Variants in ARHGAP6 observed in about 807,000 individuals in gnomAD.
ARHGAP6 encodes the protein rho GTPase-activating protein 6.
In ARHGAP6, 16 loss-of-function variants were observed where a neutral mutation model predicts 55.7. That is an observed-to-expected ratio of 0.29 (90% CI 0.19 to 0.44). ARHGAP6 has a LOEUF of 0.44. ARHGAP6 is among the 20% of genes least tolerant of loss of function. The probability of loss-of-function intolerance (pLI) is 1.00; values close to 1 mark genes in which losing one functional copy is unlikely to be tolerated. For missense variants in ARHGAP6, 698 were observed against 808.9 expected, an observed-to-expected ratio of 0.86 and a Z score of 1.66; for synonymous variants, 382 against 360.9, an observed-to-expected ratio of 1.06 and a Z score of -0.66.
intron 2 of ARHGAP6, among the ~76,000 whole-genome samples, chrX:11,226,391 T>C (rs1335336150): frequency 9.0e-6 from 1 of 111,439 alleles, no homozygotes; most frequent in Non-Finnish European, 1.9e-5. Context: ...CAGTCTATCA[T>C]TGGTGGACAT....
intron 2 of ARHGAP6, among the ~76,000 whole-genome samples, chrX:11,226,458 T>C (rs1358131044): frequency 2.7e-5 from 3 of 111,647 alleles, no homozygotes; most frequent in Non-Finnish European, 5.6e-5. Context: ...TTACTTACCA[T>C]TTTCACTTTG....
In ARHGAP6 at chrX:11,435,731, C is replaced by T. The variant is rs2049981559; in HGVS notation, c.589-181024G>A. Reference sequence around the variant, plus strand: ...AGCATGAGACAAAGTCAGAAGCCATCCTGAGCTCTGGATTTAATGTTAAAA... The same window carrying T: ...AGCATGAGACAAAGTCAGAAGCCATTCTGAGCTCTGGATTTAATGTTAAAA... On this transcript the variant is annotated intron_variant, in intron 1 of 12. Coordinates refer to ENST00000337414, the MANE Select transcript of ARHGAP6 (RefSeq NM_013427.3). Among the ~76,000 whole-genome samples, 8 of 111,795 alleles carry T rather than the reference C, an allele frequency of 7.2e-5. No individual in the cohort carries two copies. In the Admixed American group the frequency reaches 7.6e-4, roughly 11 times the overall value.
chrX:11,639,203 T>TTACAATTATG (rs1169857786), intron 1 of ARHGAP6, among the ~76,000 whole-genome samples: 1 of 109,936 alleles, frequency 9.1e-6, no homozygotes, highest in African/African-American at 3.3e-5. Flanking sequence ...ATAAATTATT[T>TTACAATTATG]TACAATTATG....
chrX:11,372,924 TTTTC>T (rs1216818586), intron 1 of ARHGAP6, among the ~76,000 whole-genome samples: 1 of 110,179 alleles, frequency 9.1e-6, no homozygotes, highest in Non-Finnish European at 1.9e-5. Context: ...TGCTTTATTC[TTTTC>T]TTTCTTATCA....
At chrX:11,501,086 A>ATTC (rs1275179503) in intron 1 of ARHGAP6, among the ~76,000 whole-genome samples, 1 of 112,080 alleles carries the variant, frequency 8.9e-6, no homozygotes, top group Non-Finnish European at 1.9e-5. Flanking sequence ...CAACTACTCA[A>ATTC]CTCTGCCCTT....
chrX:11,189,071 G>C (rs1204262731), intron 3 of ARHGAP6, 87 bp from the exon 4 acceptor site: 36 of 1,031,852 alleles, frequency 3.5e-5, no homozygotes, highest in Middle Eastern at 2.6e-4. Context: ...AGTAAGAACA[G>C]ACATATTCAA....
intron 10 of ARHGAP6, among the ~76,000 whole-genome samples, chrX:11,152,804 T>C (rs140700005): frequency 0.013 from 1,441 of 112,394 alleles, 18 homozygotes; most frequent in African/African-American, 0.044. Flanking sequence ...ACGTGGTAGA[T>C]CTAAGCTAGA....
chrX:11,405,000 G>A (rs1193280198), intron 1 of ARHGAP6, among the ~76,000 whole-genome samples: 1 of 112,310 alleles, frequency 8.9e-6, no homozygotes, highest in African/African-American at 3.2e-5. Flanking sequence ...TGAAGCAAAT[G>A]TCTGCAGGCA....
intron 1 of ARHGAP6, among the ~76,000 whole-genome samples, chrX:11,351,006 T>C (rs979700420): frequency 3.7e-5 from 4 of 108,664 alleles, no homozygotes; most frequent in Admixed American, 1.0e-4. Context: ...AAGTATGTCT[T>C]GGGGTAACAA....
chrX:11,224,290 C>G (rs2047015122), intron 2 of ARHGAP6: 1 of 282,695 alleles, frequency 3.5e-6, no homozygotes. Flanking sequence ...AAGAATACAT[C>G]ACAGGTGAGC....
At chrX:11,652,790 G>A (rs1355412135) in intron 1 of ARHGAP6, among the ~76,000 whole-genome samples, 2 of 111,742 alleles carry the variant, frequency 1.8e-5, no homozygotes, top group Non-Finnish European at 3.8e-5. Context: ...GTGGGTGATA[G>A]CTAGGCATAG....
rs770967558 is a variant in ARHGAP6 at position 11,139,453 on chromosome X, T to C, written c.2335A>G (p.Asn779Asp). Residue 779 changes from asparagine to aspartate, a missense_variant, in exon 13 of 13, where the codon AAT (asparagine) becomes GAT (aspartate). By Grantham distance (23) the Asn-to-Asp change is conservative. Transcript: ENST00000337414. ...CSLSQGNLSP[N>D]WPRWQGSPAE... The stretch of plus-strand genomic sequence containing the variant: ...GGGCTCCCCTGCCACCGAGGCCAAT[T>C]TGGGGACAGGTTCCCTTGAGAAAGG... The C allele has an allele frequency of 5.1e-6, 6 of 1,185,320 alleles. No homozygotes were observed. The highest frequency in any genetic ancestry group is 3.8e-5 in the South Asian group (2 of 53,096).
intron 1 of ARHGAP6, among the ~76,000 whole-genome samples, chrX:11,638,571 T>C (rs754412487): frequency 3.6e-5 from 4 of 111,389 alleles, no homozygotes; most frequent in African/African-American, 1.3e-4. Context: ...TCCCAGTATG[T>C]GTCCTAAGAA....
At chrX:11,616,039 A>G (rs1373666557) in intron 1 of ARHGAP6, among the ~76,000 whole-genome samples, 3 of 111,686 alleles carry the variant, frequency 2.7e-5, no homozygotes, top group Non-Finnish European at 5.6e-5. Context: ...AAGCGTAGAG[A>G]GAGGTGCCTG....
At chrX:11,644,204 C>T (rs781523886) in intron 1 of ARHGAP6, among the ~76,000 whole-genome samples, 77 of 110,839 alleles carry the variant, frequency 6.9e-4, no homozygotes, top group South Asian at 2.7e-3. Flanking sequence ...ACCAAGCTTC[C>T]GAGAAAAATT....
At chrX:11,351,414 C>G in intron 1 of ARHGAP6, 1 of 969,400 alleles carries the variant, frequency 1.0e-6, no homozygotes, top group Non-Finnish European at 1.3e-6. Flanking sequence ...AACAGTCGAC[C>G]CAAGTGAGCC....
At chrX:11,279,844 G>A (rs1184106337) in intron 1 of ARHGAP6, among the ~76,000 whole-genome samples, 5 of 111,616 alleles carry the variant, frequency 4.5e-5, no homozygotes, top group African/African-American at 1.6e-4. Context: ...ATGAGGCAGA[G>A]AACTTAGGTA....
intron 6 of ARHGAP6, among the ~76,000 whole-genome samples, chrX:11,180,792 G>A (rs2046304468): frequency 8.9e-6 from 1 of 112,138 alleles, no homozygotes; most frequent in South Asian, 3.7e-4. Context: ...ATTCCAGACA[G>A]CACGCCATCA....
At chrX:11,380,915 T>C (rs1240275356) in intron 1 of ARHGAP6, among the ~76,000 whole-genome samples, 2 of 112,468 alleles carry the variant, frequency 1.8e-5, no homozygotes, top group African/African-American at 6.5e-5. Context: ...TGAGAACTAC[T>C]GGCTTAAAGG....
Sources: gnomAD v4.1 joint callset for allele counts (sites outside exome capture counted in the v4.1 genomes callset) on GRCh38, gnomAD v4.1.1 for gene constraint, MANE v1.5 for transcripts, NCBI Gene and HGNC (gene_info 2026-07-23, HGNC 2026-07-21) for gene names.